RCAN2: variants seen among roughly 807,000 people sequenced by gnomAD.
The protein encoded by RCAN2 is regulator of calcineurin 2, also known as calcipressin-2.
In RCAN2, 9 loss-of-function variants were observed where a neutral mutation model predicts 23.6. That is an observed-to-expected ratio of 0.38 (90% CI 0.23 to 0.67). The LOEUF (loss-of-function observed/expected upper bound fraction) is 0.67. RCAN2 is among the 30% of genes least tolerant of loss of function. The probability of loss-of-function intolerance (pLI) is 0.51; values close to 1 mark genes in which losing one functional copy is unlikely to be tolerated. For missense variants in RCAN2, 273 were observed against 302.3 expected, an observed-to-expected ratio of 0.90 and a Z score of 0.72; for synonymous variants, 109 against 115.7, an observed-to-expected ratio of 0.94 and a Z score of 0.37.
rs143591866 is a variant in RCAN2, at chr6:46,431,949, C to A, written c.225+24803G>T. ...GTATGTTTATATGTCAAAAGCATGA[C>A]AATTCCATTCAAAATTGGATATATT... On this transcript the variant is annotated intron_variant, in intron 2 of 4. Transcript: ENST00000371374. Among the ~76,000 whole-genome samples the A allele has an allele frequency of 1.5e-3, 229 of 152,274 alleles. 2 individuals carry two copies. Among genetic ancestry groups the A allele is most frequent in the African/African-American group, 5.2e-3 (214 of 41,544 alleles).
intron 2 of RCAN2, among the ~76,000 whole-genome samples, chr6:46,279,592 C>T (rs1767833512): frequency 6.6e-6 from 1 of 152,212 alleles, no homozygotes; most frequent in South Asian, 2.1e-4. Flanking sequence ...TACATTCCTG[C>T]CTCCGGATCT....
chr6:46,418,292 A>C (rs1766768217), intron 2 of RCAN2, among the ~76,000 whole-genome samples: 1 of 152,196 alleles, frequency 6.6e-6, no homozygotes, highest in Non-Finnish European at 1.5e-5. Flanking sequence ...AATCAATTAA[A>C]ACGGAAATAA....
chr6:46,475,393 T>C (rs1295734326), intron 1 of RCAN2, among the ~76,000 whole-genome samples: 1 of 152,148 alleles, frequency 6.6e-6, no homozygotes, highest in East Asian at 1.9e-4. Flanking sequence ...TTATGTCCAT[T>C]GCAAAGCAGG....
At chr6:46,249,323 T>C (rs1305684552) in intron 2 of RCAN2, among the ~76,000 whole-genome samples, 90 of 147,106 alleles carry the variant, frequency 6.1e-4, no homozygotes, top group African/African-American at 2.1e-3. Flanking sequence ...CTTTCTTTTT[T>C]TTTTTTTTTT....
At chr6:46,325,659 C>A in intron 2 of RCAN2, 1 of 1,406,756 alleles carries the variant, frequency 7.1e-7, no homozygotes, top group Non-Finnish European at 9.2e-7. Context: ...TCTGAGGCAG[C>A]ACAGCAGAGT....
At chr6:46,491,037 G>A (rs1249415865) in intron 1 of RCAN2, 136 bp downstream of exon 1, 4 of 138,346 alleles carry the variant, frequency 2.9e-5, no homozygotes, top group African/African-American at 1.1e-4. Flanking sequence ...CCCCGCCCCC[G>A]CCCCCGCCCT....
At chr6:46,389,271 A>G (rs1765859168) in intron 2 of RCAN2, among the ~76,000 whole-genome samples, 1 of 152,168 alleles carries the variant, frequency 6.6e-6, no homozygotes, top group Non-Finnish European at 1.5e-5. Flanking sequence ...CATTCTGATG[A>G]TAGCAATTTT....
intron 1 of RCAN2, among the ~76,000 whole-genome samples, chr6:46,490,948 G>C (rs1769122926): frequency 6.6e-6 from 1 of 151,584 alleles, no homozygotes; most frequent in East Asian, 2.0e-4. Flanking sequence ...CCGTCCCCAC[G>C]GCCGCAGCCG....
intron 2 of RCAN2, among the ~76,000 whole-genome samples, chr6:46,316,051 T>C (rs1335761192): frequency 2.6e-5 from 4 of 152,062 alleles, no homozygotes; most frequent in African/African-American, 4.8e-5. Flanking sequence ...TGATGTAGGG[T>C]TCTGTCACCT....
intron 2 of RCAN2, among the ~76,000 whole-genome samples, chr6:46,404,913 A>C (rs1421193369): frequency 1.3e-5 from 2 of 152,160 alleles, no homozygotes; most frequent in African/African-American, 4.8e-5. Context: ...TTATGTTCTC[A>C]TGAGTGTATT....
chr6:46,395,744 A>G (rs1230362166), intron 2 of RCAN2, among the ~76,000 whole-genome samples: 1 of 152,148 alleles, frequency 6.6e-6, no homozygotes, highest in East Asian at 1.9e-4. Context: ...CATTTTCGCA[A>G]TCTAGGAGGA....
chr6:46,367,796 C>T (rs574180792), intron 2 of RCAN2, among the ~76,000 whole-genome samples: 1 of 152,234 alleles, frequency 6.6e-6, no homozygotes, highest in South Asian at 2.1e-4. Context: ...TCTTTAAACG[C>T]TATGTTTAAT....
chr6:46,475,046 A>C (rs1414143726), intron 1 of RCAN2, among the ~76,000 whole-genome samples: 1 of 152,222 alleles, frequency 6.6e-6, no homozygotes, highest in Non-Finnish European at 1.5e-5. Context: ...ATTTTTAAGA[A>C]ATACTGGATT....
At chr6:46,352,306 A>T (rs1764677646) in intron 2 of RCAN2, among the ~76,000 whole-genome samples, 1 of 152,204 alleles carries the variant, frequency 6.6e-6, no homozygotes, top group Non-Finnish European at 1.5e-5. Context: ...CTAATTAAGT[A>T]AGAAAATAAA....
chr6:46,422,747 T>C (rs1403804836), intron 2 of RCAN2, among the ~76,000 whole-genome samples: 1 of 152,192 alleles, frequency 6.6e-6, no homozygotes, highest in Non-Finnish European at 1.5e-5. Flanking sequence ...TTATATGCTG[T>C]ACAAAGGCTG....
At chr6:46,402,391 G>A (rs369226456) in intron 2 of RCAN2, among the ~76,000 whole-genome samples, 8 of 152,140 alleles carry the variant, frequency 5.3e-5, no homozygotes, top group East Asian at 1.9e-4. Flanking sequence ...CCTTCCAGTT[G>A]CTCAGTCCCA....
intron 2 of RCAN2, among the ~76,000 whole-genome samples, chr6:46,445,097 G>A (rs1767664678): frequency 1.3e-5 from 2 of 152,106 alleles, no homozygotes; most frequent in South Asian, 4.2e-4. Flanking sequence ...GTCCATACCA[G>A]CACCTAGCCA....
chr6:46,484,237 A>G (rs1457462691), intron 1 of RCAN2, among the ~76,000 whole-genome samples: 1 of 152,254 alleles, frequency 6.6e-6, no homozygotes, highest in African/African-American at 2.4e-5. Flanking sequence ...GTAGCCTAAT[A>G]GTAAATGTAG....
intron 2 of RCAN2, among the ~76,000 whole-genome samples, chr6:46,366,692 C>T (rs568421792): frequency 4.7e-4 from 71 of 152,096 alleles, no homozygotes; most frequent in African/African-American, 1.7e-3. Flanking sequence ...ATCACCTGGC[C>T]TGACTTCAGC....
Sources: gnomAD v4.1 joint callset for allele counts (sites outside exome capture counted in the v4.1 genomes callset) on GRCh38, gnomAD v4.1.1 for gene constraint, MANE v1.5 for transcripts, NCBI Gene and HGNC (gene_info 2026-07-23, HGNC 2026-07-21) for gene names.